FSIP1: variants seen among roughly 807,000 people sequenced by gnomAD.
FSIP1 encodes the protein fibrous sheath interacting protein 1.
In FSIP1, 65 loss-of-function variants were observed where a neutral mutation model predicts 60.9. The ratio of observed to expected loss-of-function variants is 1.07; its 90% CI spans 0.87 to 1.31. The LOEUF (loss-of-function observed/expected upper bound fraction) is 1.31, where lower values mean the gene tolerates loss of function less well. FSIP1 is among the 40% of genes most tolerant of loss of function. The probability of loss-of-function intolerance (pLI) is 0.00; values close to 1 mark genes in which losing one functional copy is unlikely to be tolerated. For synonymous variants in FSIP1, 209 were observed against 221.2 expected (o/e 0.94, Z 0.49); for missense variants, 675 against 665.5 (o/e 1.01, Z -0.16).
chr15:39,618,354 C>T, intron 10 of FSIP1, 109 bp from the exon 11 acceptor site: 8 of 795,610 alleles, frequency 1.0e-5, no homozygotes, highest in Non-Finnish European at 1.6e-5. Context: ...CCTTACACAA[C>T]ACATAAAAAT....
intron 8 of FSIP1, among the ~76,000 whole-genome samples, chr15:39,735,013 T>C (rs116161052): frequency 0.01 from 1,577 of 152,292 alleles, 25 homozygotes; most frequent in African/African-American, 0.036. Flanking sequence ...AAAGCATTCC[T>C]AGAATGTATC....
chr15:39,616,200 T>C (rs571617095), intron 11 of FSIP1, among the ~76,000 whole-genome samples: 1 of 152,340 alleles, frequency 6.6e-6, no homozygotes, highest in African/African-American at 2.4e-5. Context: ...CCTACTTTCA[T>C]TGGTAATGTA....
At chr15:39,714,160 T>C (rs188160909) in intron 9 of FSIP1, among the ~76,000 whole-genome samples, 1 of 152,186 alleles carries the variant, frequency 6.6e-6, no homozygotes, top group East Asian at 1.9e-4. Context: ...CAGTATGTAG[T>C]AGGCAAGCAA....
intron 1 of FSIP1, among the ~76,000 whole-genome samples, chr15:39,779,358 G>A (rs986123025): frequency 1.3e-5 from 2 of 152,108 alleles, no homozygotes; most frequent in Non-Finnish European, 2.9e-5. Context: ...CTGGATTGGT[G>A]GGTTTCTGGA....
At chr15:39,623,984 T>C (rs1333823572) in intron 10 of FSIP1, among the ~76,000 whole-genome samples, 1 of 152,224 alleles carries the variant, frequency 6.6e-6, no homozygotes, top group Non-Finnish European at 1.5e-5. Flanking sequence ...CAACTGACTA[T>C]GTCCTTTAGC....
chr15:39,688,263 T>G (rs111877281), intron 10 of FSIP1, among the ~76,000 whole-genome samples: 7 of 152,142 alleles, frequency 4.6e-5, no homozygotes, highest in African/African-American at 1.7e-4. Context: ...ATAAACCCAT[T>G]GTAAGTTGAA....
At chr15:39,598,088 A>G (rs1379639990), downstream of FSIP1, 1 of 152,254 alleles carries the variant, frequency 6.6e-6, no homozygotes, top group Non-Finnish European at 1.5e-5. Flanking sequence ...ATGTGAAGAA[A>G]AGGCCCAAGT....
At chr15:39,627,400 C>T (rs1891686790) in intron 10 of FSIP1, among the ~76,000 whole-genome samples, 2 of 152,208 alleles carry the variant, frequency 1.3e-5, no homozygotes, top group African/African-American at 4.8e-5. Context: ...GTGTGAGTTG[C>T]TAATAAGGTG....
At chr15:39,611,228 G>C (rs779646566) in intron 11 of FSIP1, among the ~76,000 whole-genome samples, 1 of 152,116 alleles carries the variant, frequency 6.6e-6, no homozygotes. Context: ...AAAAGTTGTC[G>C]GGGGGAGGGC....
chr15:39,688,997 A>G (rs1348427278), intron 10 of FSIP1, among the ~76,000 whole-genome samples: 1 of 152,220 alleles, frequency 6.6e-6, no homozygotes, highest in Admixed American at 6.5e-5. Context: ...ACATATGAAG[A>G]TGTCAGGTAG....
intron 9 of FSIP1, among the ~76,000 whole-genome samples, chr15:39,722,336 A>G (rs1216376724): frequency 6.6e-6 from 1 of 152,088 alleles, no homozygotes; most frequent in Admixed American, 6.5e-5. Flanking sequence ...ATTTTGTTAC[A>G]ATATAATAAT....
chr15:39,692,752 A>AAAAGAAAG (rs369928480), intron 10 of FSIP1, among the ~76,000 whole-genome samples: 3 of 152,034 alleles, frequency 2.0e-5, no homozygotes, highest in East Asian at 1.9e-4. Flanking sequence ...GTTTAAAAAA[A>AAAAGAAAG]AAAGAAAGAA....
chr15:39,754,233 C>T, intron 5 of FSIP1, among the ~76,000 whole-genome samples: 1 of 152,002 alleles, frequency 6.6e-6, no homozygotes, highest in Non-Finnish European at 1.5e-5. Context: ...TGTGAGTGAG[C>T]TTGGAAGCCG....
intron 10 of FSIP1, among the ~76,000 whole-genome samples, chr15:39,623,658 A>G (rs1891529196): frequency 6.6e-6 from 1 of 152,188 alleles, no homozygotes; most frequent in Non-Finnish European, 1.5e-5. Context: ...AGGAACAGAA[A>G]CCCTTATGTC....
intron 10 of FSIP1, among the ~76,000 whole-genome samples, chr15:39,698,249 T>C (rs906087038): frequency 1.3e-5 from 2 of 151,070 alleles, no homozygotes; most frequent in African/African-American, 4.8e-5. Flanking sequence ...CACAATGATG[T>C]TTGACTATAG....
intron 10 of FSIP1, among the ~76,000 whole-genome samples, chr15:39,648,108 T>G (rs1892699047): frequency 6.7e-6 from 1 of 149,116 alleles, no homozygotes; most frequent in South Asian, 2.1e-4. Context: ...GCATGGCACA[T>G]GTATACATAT....
At chr15:39,763,137 T>C (rs897008572) in intron 5 of FSIP1, among the ~76,000 whole-genome samples, 13 of 152,280 alleles carry the variant, frequency 8.5e-5, no homozygotes, top group African/African-American at 3.1e-4. Flanking sequence ...CTTATATAGA[T>C]TATACATGTG....
intron 10 of FSIP1, among the ~76,000 whole-genome samples, chr15:39,645,697 C>T (rs1197619718): frequency 2.6e-5 from 4 of 152,218 alleles, no homozygotes; most frequent in African/African-American, 9.6e-5. Context: ...ACGTGCAGGG[C>T]GTCTCTGCAG....
At chr15:39,780,120 A>C (rs1335435657) in intron 1 of FSIP1, among the ~76,000 whole-genome samples, 4 of 152,290 alleles carry the variant, frequency 2.6e-5, no homozygotes, top group Admixed American at 2.6e-4. Context: ...TGCAGGTCTC[A>C]TTTTTTTAGG....
Sources: gnomAD v4.1 joint callset for allele counts (sites outside exome capture counted in the v4.1 genomes callset) on GRCh38, gnomAD v4.1.1 for gene constraint, MANE v1.5 for transcripts, NCBI Gene and HGNC (gene_info 2026-07-23, HGNC 2026-07-21) for gene names.